Variants in RNF2 observed in about 807,000 individuals in gnomAD.
RNF2 encodes ring finger protein 2.
A neutral mutation model predicts 37.2 loss-of-function variants in RNF2; 6 were observed. That is an observed-to-expected ratio of 0.16 (90% CI 0.09 to 0.32). The LOEUF (loss-of-function observed/expected upper bound fraction) is 0.32, where lower values mean the gene tolerates loss of function less well. RNF2 is among the 10% of genes least tolerant of loss of function. The pLI is 1.00. For synonymous variants in RNF2, 133 were observed against 132.7 expected (o/e 1.00, Z -0.02); for missense variants, 251 against 404.0 (o/e 0.62, Z 3.25).
At chr1:185,083,902 T>A (rs1243121479) in intron 1 of RNF2, among the ~76,000 whole-genome samples, 1 of 141,552 alleles carries the variant, frequency 7.1e-6, no homozygotes, top group Non-Finnish European at 1.5e-5. Context: ...CCACTGTGCC[T>A]GGCCTACCTT....
At chr1:185,055,477 G>C (rs908224353) in intron 1 of RNF2, among the ~76,000 whole-genome samples, 4 of 152,168 alleles carry the variant, frequency 2.6e-5, no homozygotes, top group Admixed American at 6.5e-5. Flanking sequence ...CTGGAGTGCA[G>C]TGGTGCTATC....
intron 1 of RNF2, among the ~76,000 whole-genome samples, chr1:185,059,438 T>C (rs1047634951): frequency 2.0e-5 from 3 of 152,182 alleles, no homozygotes; most frequent in African/African-American, 7.2e-5. Flanking sequence ...ACCGAGTCCA[T>C]ATCACCTTCT....
rs1339239066 is a variant in RNF2 at position 185,091,683 on chromosome 1, A to G, written c.192A>G (p.Thr64=). Residue 64 remains threonine, a synonymous_variant, in exon 3 of 7, where the codon ACA becomes ACG. Transcript: ENST00000367510. ...ATATGTTGAAGAACACCATGACTAC[A>G]AAGGAGTGTTTACATCGTTTTTGTG... ...CLDMLKNTMT[T]KECLHRFCAD... 6.2e-7 allele frequency: 1 copy of G among 1,614,116 alleles called. No individual in the cohort carries two copies. Among genetic ancestry groups the G allele is most frequent in the African/African-American group, 1.3e-5 (1 of 74,938 alleles).
intron 1 of RNF2, among the ~76,000 whole-genome samples, chr1:185,082,346 T>TTTTTTTTTTTTTTTTTTTTTTTTTTC: frequency 7.6e-5 from 1 of 13,216 alleles, no homozygotes; most frequent in Non-Finnish European, 1.2e-4. Context: ...TCTGCAGAAC[T>TTTTTTTTTTTTTTTTTTTTTTTTTTC]TTTTTTTTTT....
chr1:185,065,060 A>G (rs1476644297), intron 1 of RNF2, among the ~76,000 whole-genome samples: 1 of 152,144 alleles, frequency 6.6e-6, no homozygotes, highest in Non-Finnish European at 1.5e-5. Flanking sequence ...GACTTGGAGA[A>G]CTTTTCTGTC....
In RNF2 at chr1:185,073,254, C is replaced by T. The variant is rs190028030; in HGVS notation, c.-2-14298C>T. Among the ~76,000 whole-genome samples the T allele has an allele frequency of 4.0e-5, 6 of 151,690 alleles. No individual in the cohort carries two copies. The East Asian group carries it at 1.2e-3, about 29-fold the overall frequency. ...TTCTTATGCATATGCTTATTCTATC[C>T]CTGTGTGAGAATTTGTGCTGGGTAA... On this transcript the variant is annotated intron_variant, in intron 1 of 6. Transcript: ENST00000367510.
intron 1 of RNF2, among the ~76,000 whole-genome samples, chr1:185,064,176 C>T (rs558826168): frequency 6.6e-6 from 1 of 152,068 alleles, no homozygotes; most frequent in African/African-American, 2.4e-5. Context: ...ATATTCTAGC[C>T]CTAAATAAAT....
chr1:185,063,035 C>T (rs936150905), intron 1 of RNF2, among the ~76,000 whole-genome samples: 1 of 152,178 alleles, frequency 6.6e-6, no homozygotes, highest in African/African-American at 2.4e-5. Flanking sequence ...GCCCTTTGAT[C>T]CAGTAATTCC....
At chr1:185,075,741 AG>A (rs112446106) in intron 1 of RNF2, among the ~76,000 whole-genome samples, 2,623 of 152,310 alleles carry the variant, frequency 0.017, 87 homozygotes, top group African/African-American at 0.059. Context: ...GAGAACAGCA[AG>A]GGGGAAATCC....
chr1:185,098,391 A>G lies in RNF2; in HGVS notation c.737+47A>G, dbSNP rs371564301. 16 of 1,587,706 alleles carry G rather than the reference A, an allele frequency of 1.0e-5. No homozygotes were observed. In the African/African-American group the frequency reaches 2.1e-4, roughly 21 times the overall value. On this transcript the variant is annotated intron_variant, in intron 5 of 6. Coordinates refer to ENST00000367510, the MANE Select transcript of RNF2 (RefSeq NM_007212.4). Reference sequence around the variant, plus strand: ...AGATTATCTAAATTCAGAATGTTTAATTTGGAGGTAAAAGGCAGTCTTGTA... The same window carrying G: ...AGATTATCTAAATTCAGAATGTTTAGTTTGGAGGTAAAAGGCAGTCTTGTA...
chr1:185,070,718 A>C (rs866267304), intron 1 of RNF2, among the ~76,000 whole-genome samples: 1 of 148,560 alleles, frequency 6.7e-6, no homozygotes, highest in South Asian at 2.1e-4. Context: ...AGCTCACTGC[A>C]AGTTCCGCCT....
chr1:185,076,268 GTTTTTTTTTTTTTTTTTTTTTTTTT>G lies in RNF2; in HGVS notation c.-2-11268_-2-11244del, dbSNP rs71101959. 6.4e-3 allele frequency among the ~76,000 whole-genome samples: 175 copies of G among 27,352 alleles called. 2 individuals are homozygous for G. Among genetic ancestry groups the G allele is most frequent in the African/African-American group, 0.021 (159 of 7,628 alleles). 17.9% of individuals were successfully genotyped at this position (27,352 alleles called of 152,430 possible). A position where few individuals can be genotyped will look rare whatever the true frequency, so the allele number is the denominator to read the frequency against. ...TTTTCTTCTAGATCTTTTATGGGTTGTTTTTTTTTTTTTTTTTTTTTTTTTTTTTTTTTTTTTTTTGAGACAGAGT... is the reference window on the plus strand; with the variant it reads ...TTTTCTTCTAGATCTTTTATGGGTTGTTTTTTTTTTTTTTTGAGACAGAGT... On this transcript the variant is annotated intron_variant, in intron 1 of 6. Transcript: ENST00000367510.
rs928525597 is a variant in RNF2 at position 185,066,615 on chromosome 1, A to G, written c.-2-20937A>G. ...GTTAGAGGTTCTCATTTTCTATCAC[A>G]TGATAGCTCAATAAATGTTTCCTAA... On this transcript the variant is annotated intron_variant, in intron 1 of 6. Coordinates refer to ENST00000367510, the MANE Select transcript of RNF2 (RefSeq NM_007212.4). Among the ~76,000 whole-genome samples, 53 of 152,202 alleles carry G rather than the reference A, an allele frequency of 3.5e-4. 2 individuals carry two copies. Among genetic ancestry groups the G allele is most frequent in the Non-Finnish European group, 7.3e-5 (5 of 68,030 alleles).
At chr1:185,046,229 T>G (rs1257517949) in intron 1 of RNF2, 1 of 152,280 alleles carries the variant, frequency 6.6e-6, no homozygotes, top group Non-Finnish European at 1.5e-5. Context: ...GGGAGACCCC[T>G]TCAGCTTCAC....
chr1:185,056,234 G>C (rs866505456), intron 1 of RNF2, among the ~76,000 whole-genome samples: 1 of 151,370 alleles, frequency 6.6e-6, no homozygotes, highest in African/African-American at 2.4e-5. Context: ...ATTAATGTCA[G>C]TTTAATTTGT....
chr1:185,057,357 T>C (rs1206391468), intron 1 of RNF2, among the ~76,000 whole-genome samples: 3 of 152,164 alleles, frequency 2.0e-5, no homozygotes, highest in Admixed American at 6.5e-5. Flanking sequence ...TTCTGTGCCA[T>C]AGCTAGTTTG....
At position 185,068,962 on chromosome 1, in the gene RNF2, C is replaced by A. The variant is rs147202987; in HGVS notation, c.-2-18590C>A. 1.9e-3 allele frequency among the ~76,000 whole-genome samples: 290 copies of A among 152,178 alleles called. 1 individual carries two copies. Among genetic ancestry groups the A allele is most frequent in the African/African-American group, 6.6e-3 (276 of 41,526 alleles). On this transcript the variant is annotated intron_variant, in intron 1 of 6. Transcript: ENST00000367510. ...GTGCAGAACTCTTGACAGTTTTGCT[C>A]AAAATGTTACATTTAAAGTTCCTTT...
At position 185,099,899 on chromosome 1, in the gene RNF2, C is replaced by T. The variant is rs1285438127; in HGVS notation, c.846C>T (p.Asn282=). ...GCAAAGGTGAATCAAACCAGATGAA[C>T]CTTGATACAGCCAGTGAGAAGCAGT... ...LRSKGESNQM[N]LDTASEKQYT... is the part of the protein sequence containing the mutation. Residue 282 remains asparagine, a synonymous_variant, in exon 6 of 7, where the codon AAC becomes AAT. Coordinates refer to ENST00000367510, the MANE Select transcript of RNF2 (RefSeq NM_007212.4). 1 of 1,613,998 alleles carries T rather than the reference C, an allele frequency of 6.2e-7. No individual in the cohort carries two copies. Among genetic ancestry groups the T allele is most frequent in the Non-Finnish European group, 8.5e-7 (1 of 1,179,938 alleles).
chr1:185,082,725 C>T (rs932440997), intron 1 of RNF2, among the ~76,000 whole-genome samples: 8 of 152,108 alleles, frequency 5.3e-5, no homozygotes, highest in Non-Finnish European at 1.0e-4. Flanking sequence ...AATGCAGTGT[C>T]GATGTTGCGA....
Sources: gnomAD v4.1 joint callset for allele counts (sites outside exome capture counted in the v4.1 genomes callset) on GRCh38, gnomAD v4.1.1 for gene constraint, MANE v1.5 for transcripts, NCBI Gene and HGNC (gene_info 2026-07-23, HGNC 2026-07-21) for gene names.